Variants in CNTNAP4 observed in about 807,000 individuals in gnomAD.
CNTNAP4 encodes the protein contactin associated protein family member 4.
Under a neutral mutation model 148.4 loss-of-function variants are expected in CNTNAP4, and 98 were observed. The ratio of observed to expected loss-of-function variants is 0.66; its 90% CI spans 0.56 to 0.78. The LOEUF (loss-of-function observed/expected upper bound fraction) is 0.78. CNTNAP4 is among the 30% of genes least tolerant of loss of function. CNTNAP4 has a pLI of 0.00. For missense variants in CNTNAP4, 1,935 were observed against 1,565.6 expected, an observed-to-expected ratio of 1.24 and a Z score of -3.98; for synonymous variants, 730 against 565.1, an observed-to-expected ratio of 1.29 and a Z score of -4.14.
chr16:76,289,809 G>A (rs1305001918), intron 1 of CNTNAP4, among the ~76,000 whole-genome samples: 1 of 152,010 alleles, frequency 6.6e-6, no homozygotes, highest in Non-Finnish European at 1.5e-5. Flanking sequence ...GGACTCAAGT[G>A]ATCCACCCGC....
intron 1 of CNTNAP4, among the ~76,000 whole-genome samples, chr16:76,293,844 G>T (rs1166315033): frequency 6.8e-6 from 1 of 147,088 alleles, no homozygotes; most frequent in Non-Finnish European, 1.5e-5. Flanking sequence ...TTAAAAAAAA[G>T]GATATAATTG....
At chr16:76,470,673 A>G (rs11641867) in intron 10 of CNTNAP4, among the ~76,000 whole-genome samples, 54,164 of 150,950 alleles carry the variant, frequency 0.36, 10,511 homozygotes, top group Non-Finnish European at 0.42. Flanking sequence ...CAAACAAACA[A>G]AAAACCAGGA....
At chr16:76,312,946 T>C (rs1961297495) in intron 1 of CNTNAP4, among the ~76,000 whole-genome samples, 1 of 152,150 alleles carries the variant, frequency 6.6e-6, no homozygotes. Context: ...CAATATATCA[T>C]TGTAAAATAA....
intron 2 of CNTNAP4, among the ~76,000 whole-genome samples, chr16:76,339,026 G>GTGATTA (rs1288032029): frequency 2.0e-5 from 3 of 152,152 alleles, no homozygotes; most frequent in Non-Finnish European, 4.4e-5. Flanking sequence ...GGTAGTAGTA[G>GTGATTA]TGATTAGAAT....
At chr16:76,393,444 TTCAG>T (rs2078094922) in intron 3 of CNTNAP4, among the ~76,000 whole-genome samples, 1 of 152,230 alleles carries the variant, frequency 6.6e-6, no homozygotes, top group African/African-American at 2.4e-5. Context: ...TATATATTCA[TTCAG>T]TCAGTCTGTA....
chr16:76,499,029 G>A (rs1056570619), intron 15 of CNTNAP4, among the ~76,000 whole-genome samples: 4 of 151,018 alleles, frequency 2.6e-5, no homozygotes, highest in Non-Finnish European at 5.9e-5. Flanking sequence ...ACACTTAAAT[G>A]GTAAAAATTT....
intron 3 of CNTNAP4, among the ~76,000 whole-genome samples, chr16:76,396,391 A>C (rs1426811145): frequency 6.6e-6 from 1 of 152,174 alleles, no homozygotes; most frequent in African/African-American, 2.4e-5. Flanking sequence ...ACCCTATGTG[A>C]GTATCCTAAT....
At chr16:76,375,282 C>T (rs1214570163) in intron 3 of CNTNAP4, among the ~76,000 whole-genome samples, 5 of 151,974 alleles carry the variant, frequency 3.3e-5, no homozygotes, top group South Asian at 2.1e-4. Flanking sequence ...ATCAGCCAGG[C>T]GTGGTGGCAT....
intron 12 of CNTNAP4, 133 bp from the exon 13 acceptor site, chr16:76,489,553 T>A (rs1251148774): frequency 2.2e-6 from 1 of 454,622 alleles, no homozygotes; most frequent in Non-Finnish European, 3.8e-6. Context: ...GTGTTGATTC[T>A]ACCTCTCAGG....
chr16:76,312,165 C>T (rs138315019), intron 1 of CNTNAP4, among the ~76,000 whole-genome samples: 4 of 152,258 alleles, frequency 2.6e-5, no homozygotes, highest in African/African-American at 4.8e-5. Flanking sequence ...TGAGACCAGA[C>T]CATTCTTTGT....
At chr16:76,373,824 G>C (rs1418972426) in intron 3 of CNTNAP4, among the ~76,000 whole-genome samples, 1 of 150,998 alleles carries the variant, frequency 6.6e-6, no homozygotes, top group African/African-American at 2.4e-5. Context: ...GAACTCGGGA[G>C]GTGGAGGTTG....
intron 3 of CNTNAP4, among the ~76,000 whole-genome samples, chr16:76,370,047 G>C (rs2014616669): frequency 6.6e-6 from 1 of 152,020 alleles, no homozygotes; most frequent in African/African-American, 2.4e-5. Context: ...CAGCTGTCTG[G>C]GTACACCTTT....
intron 3 of CNTNAP4, among the ~76,000 whole-genome samples, chr16:76,372,814 T>G (rs543979313): frequency 6.6e-6 from 1 of 152,288 alleles, no homozygotes; most frequent in African/African-American, 2.4e-5. Flanking sequence ...ACCTTTGACA[T>G]AAATAATTAC....
At chr16:76,422,121 A>G (rs1361895442) in intron 3 of CNTNAP4, among the ~76,000 whole-genome samples, 5 of 152,132 alleles carry the variant, frequency 3.3e-5, no homozygotes, top group Non-Finnish European at 1.5e-5. Flanking sequence ...TAACTCCATA[A>G]ATTTTCTTGG....
chr16:76,457,437 C>T (rs962518569), intron 8 of CNTNAP4, among the ~76,000 whole-genome samples: 2 of 152,188 alleles, frequency 1.3e-5, no homozygotes, highest in African/African-American at 4.8e-5. Context: ...TATTCACAAC[C>T]TGTAACCTGC....
At chr16:76,424,362 C>G (rs898993103) in intron 3 of CNTNAP4, among the ~76,000 whole-genome samples, 1 of 152,134 alleles carries the variant, frequency 6.6e-6, no homozygotes, top group Non-Finnish European at 1.5e-5. Flanking sequence ...TTGTGTTAGT[C>G]TGCCAGTGGC....
chr16:76,532,500 C>T (rs1364646306), intron 17 of CNTNAP4, among the ~76,000 whole-genome samples: 1 of 152,160 alleles, frequency 6.6e-6, no homozygotes. Context: ...TTGTTACTGG[C>T]AGAATGAGAT....
chr16:76,384,857 T>C (rs1310430739), intron 3 of CNTNAP4, among the ~76,000 whole-genome samples: 2 of 152,170 alleles, frequency 1.3e-5, no homozygotes, highest in East Asian at 3.9e-4. Flanking sequence ...ATACCTAATA[T>C]AAGGTAAAAT....
chr16:76,382,866 T>C (rs1289605881), intron 3 of CNTNAP4, among the ~76,000 whole-genome samples: 1 of 152,160 alleles, frequency 6.6e-6, no homozygotes, highest in Non-Finnish European at 1.5e-5. Context: ...AAAACAAGTA[T>C]GTTGTCAAAG....
Sources: gnomAD v4.1 joint callset for allele counts (sites outside exome capture counted in the v4.1 genomes callset) on GRCh38, gnomAD v4.1.1 for gene constraint, MANE v1.5 for transcripts, NCBI Gene and HGNC (gene_info 2026-07-23, HGNC 2026-07-21) for gene names.